The following FBXO45 variants were observed in gnomAD, a reference collection of about 807,000 sequenced individuals.
FBXO45 encodes the protein F-box protein 45.
Under a neutral mutation model 25.5 loss-of-function variants are expected in FBXO45, and 3 were observed. That is an observed-to-expected ratio of 0.12 (90% CI 0.05 to 0.30). The LOEUF (loss-of-function observed/expected upper bound fraction) is 0.30. Ranked by LOEUF, FBXO45 falls within the 10% of genes least tolerant of loss-of-function variation. The probability of loss-of-function intolerance (pLI) is 1.00; values close to 1 mark genes in which losing one functional copy is unlikely to be tolerated. For synonymous variants in FBXO45, 155 were observed against 149.8 expected, an observed-to-expected ratio of 1.03 and a Z score of -0.25; for missense variants, 219 against 365.0, an observed-to-expected ratio of 0.60 and a Z score of 3.26.
intron 2 of FBXO45, among the ~76,000 whole-genome samples, chr3:196,583,370 G>A (rs1014063876): frequency 6.6e-6 from 1 of 152,038 alleles, no homozygotes; most frequent in Non-Finnish European, 1.5e-5. Context: ...GCCGGGCGTG[G>A]TGGCGGGCAC....
chr3:196,569,157 G>C lies in FBXO45; in HGVS notation c.173G>C (p.Ser58Thr), dbSNP rs1413440541. The C allele has an allele frequency of 3.2e-6, 5 of 1,552,034 alleles. No individual in the cohort carries two copies. The highest frequency in any genetic ancestry group is 3.5e-6 in the Non-Finnish European group (4 of 1,147,610). Residue 58 changes from serine to threonine, a missense_variant, in exon 1 of 3, where the codon AGC becomes ACC. Ser to Thr is a moderately conservative substitution (Grantham distance 58, BLOSUM62 1). Transcript: ENST00000311630. This position sits in a 1 kb window ranked among gnomAD's most constrained non-coding sequence, Gnocchi z 4.1. Reference protein sequence around the residue: ...FSYLELSELRSCALVCKHWYR... With the variant: ...FSYLELSELRTCALVCKHWYR... ...TACCTGGAGCTGTCCGAGCTGCGGA[G>C]CTGCGCCCTGGTGTGCAAGCACTGG...
chr3:196,570,608 A>AT (rs1206209384), intron 1 of FBXO45, among the ~76,000 whole-genome samples: 3 of 152,156 alleles, frequency 2.0e-5, no homozygotes, highest in African/African-American at 7.2e-5. Context: ...CATGTGAAGC[A>AT]TGTAAAATTT....
chr3:196,581,056 G>A (rs1170355450), intron 2 of FBXO45, among the ~76,000 whole-genome samples: 1 of 152,122 alleles, frequency 6.6e-6, no homozygotes, highest in African/African-American at 2.4e-5. Flanking sequence ...AAAGTGCTGG[G>A]ATTATAGGCA....
At chr3:196,582,567 A>G (rs1736031408) in intron 2 of FBXO45, among the ~76,000 whole-genome samples, 1 of 152,164 alleles carries the variant, frequency 6.6e-6, no homozygotes, top group Non-Finnish European at 1.5e-5. Flanking sequence ...TCTGTTTCCA[A>G]TTTTGTAGAT....
chr3:196,570,556 C>T (rs12636666), intron 1 of FBXO45, among the ~76,000 whole-genome samples: 28,675 of 151,864 alleles, frequency 0.19, 3,641 homozygotes, highest in East Asian at 0.6. Flanking sequence ...TTAATGCTAG[C>T]TTGCCAACAG....
intron 1 of FBXO45, among the ~76,000 whole-genome samples, chr3:196,575,851 T>A (rs895291873): frequency 6.6e-6 from 1 of 152,064 alleles, no homozygotes; most frequent in African/African-American, 2.4e-5. Flanking sequence ...TAATTTTTTG[T>A]ATTTTTACTA....
chr3:196,576,190 A>T (rs1053390732), intron 1 of FBXO45, among the ~76,000 whole-genome samples: 1 of 152,166 alleles, frequency 6.6e-6, no homozygotes, highest in African/African-American at 2.4e-5. Flanking sequence ...AGGGGACTGG[A>T]TCCTTGATCT....
In FBXO45 at chr3:196,568,898, C is replaced by T. The variant is rs1735706308; in HGVS notation, c.-87C>T. On this transcript the variant is annotated 5_prime_UTR_variant, in exon 1 of 3. Coordinates refer to ENST00000311630, the MANE Select transcript of FBXO45 (RefSeq NM_001105573.2). ...GACAGGGGCGGTGAGCGAGCCGCTC[C>T]GGTCTCCGGGCGAGGCTTGGCCTTC... is the stretch of plus-strand genomic sequence containing the variant. The T allele has an allele frequency of 1.1e-6, 1 of 941,882 alleles. No homozygotes were observed. The allele number at this position is 941,882 out of a possible 1,614,324, so 58.3% of individuals were successfully genotyped here. A position where few individuals can be genotyped will look rare whatever the true frequency, so the allele number is the denominator to read the frequency against.
At chr3:196,581,930 T>C (rs909890169) in intron 2 of FBXO45, among the ~76,000 whole-genome samples, 17 of 152,178 alleles carry the variant, frequency 1.1e-4, no homozygotes, top group Admixed American at 1.0e-3. Context: ...GTCTGCTCAG[T>C]TTTTTCAGCT....
In FBXO45 at chr3:196,580,604, T is replaced by G. The variant is rs540401362; in HGVS notation, c.675+2795T>G. Reference sequence around the variant, plus strand: ...CCTCCCAGTTGCTGGGATTACAGGTTGTGAGCCACTGCGCCCAGCTTCGGT... The same window carrying G: ...CCTCCCAGTTGCTGGGATTACAGGTGGTGAGCCACTGCGCCCAGCTTCGGT... On this transcript the variant is annotated intron_variant, in intron 2 of 2. Transcript: ENST00000311630. Among the ~76,000 whole-genome samples, 4 of 152,300 alleles carry G rather than the reference T, an allele frequency of 2.6e-5. No individual in the cohort carries two copies. In the South Asian group the frequency reaches 8.3e-4, roughly 32 times the overall value.
rs1435508361 is a variant in FBXO45, at chr3:196,585,272, G to A, written c.*954G>A. On this transcript the variant is annotated 3_prime_UTR_variant, in exon 3 of 3. Transcript: ENST00000311630. ...TTCTAAGAAAGTGTCTCATAACACA[G>A]AACATTGCCATTTGCTCTTGTAGGC... 1 of 152,194 alleles carries A rather than the reference G, an allele frequency of 6.6e-6. No homozygotes were observed. The highest frequency in any genetic ancestry group is 2.4e-5 in the African/African-American group (1 of 41,460). 9.4% of individuals were successfully genotyped at this position (152,194 alleles called of 1,614,324 possible). A position where few individuals can be genotyped will look rare whatever the true frequency, so the allele number is the denominator to read the frequency against.
At chr3:196,578,059 T>TTTTTTTTTTTTTTTC (rs1318938537) in intron 2 of FBXO45, among the ~76,000 whole-genome samples, 1 of 148,834 alleles carries the variant, frequency 6.7e-6, no homozygotes, top group Non-Finnish European at 1.5e-5. Flanking sequence ...TTTTTTTTTT[T>TTTTTTTTTTTTTTTC]AGACAGAATC....
chr3:196,569,786 C>G lies in FBXO45; in HGVS notation c.318+484C>G, dbSNP rs756309700. 6.6e-6 allele frequency among the ~76,000 whole-genome samples: 1 copy of G among 152,124 alleles called. No homozygotes were observed. Among genetic ancestry groups the G allele is most frequent in the South Asian group, 2.1e-4 (1 of 4,824 alleles). On this transcript the variant is annotated intron_variant, in intron 1 of 2. Coordinates refer to ENST00000311630, the MANE Select transcript of FBXO45 (RefSeq NM_001105573.2). This position sits in a 1 kb window ranked among gnomAD's most constrained non-coding sequence, Gnocchi z 4.1. ...AACCATTTGTTTTCATTATTTTCCC[C>G]CAAGTTCTCTTTAGTTCCCTCCACT...
chr3:196,582,151 C>G (rs1177708447), intron 2 of FBXO45, among the ~76,000 whole-genome samples: 2 of 152,132 alleles, frequency 1.3e-5, no homozygotes, highest in African/African-American at 4.8e-5. Flanking sequence ...CTTTCTCCAC[C>G]CTGGGCTTTG....
chr3:196,571,105 G>A (rs1376865141), intron 1 of FBXO45, among the ~76,000 whole-genome samples: 1 of 152,210 alleles, frequency 6.6e-6, no homozygotes, highest in Non-Finnish European at 1.5e-5. Flanking sequence ...ATTTATATAG[G>A]TGAGTACAGA....
At chr3:196,582,416 A>C (rs767646157) in intron 2 of FBXO45, among the ~76,000 whole-genome samples, 18 of 152,120 alleles carry the variant, frequency 1.2e-4, no homozygotes, top group Non-Finnish European at 1.8e-4. Context: ...GGTGTGGGTT[A>C]ATCTGTGAGG....
chr3:196,584,791 G>A lies in FBXO45; in HGVS notation c.*473G>A, dbSNP rs959606291. On this transcript the variant is annotated 3_prime_UTR_variant, in exon 3 of 3. Coordinates refer to ENST00000311630, the MANE Select transcript of FBXO45 (RefSeq NM_001105573.2). The surrounding 1 kb of genome is among the most constrained non-coding windows in gnomAD (Gnocchi z 4.3). ...TTTAATATTTTTAATATATTGAGAA[G>A]CATGGTCTGCCTGGACTGCACTTCT... is the stretch of plus-strand genomic sequence containing the variant. The A allele has an allele frequency of 1.3e-5, 2 of 152,000 alleles. No homozygotes were observed. 9.4% of individuals were successfully genotyped at this position (152,000 alleles called of 1,614,324 possible). A position where few individuals can be genotyped will look rare whatever the true frequency, so the allele number is the denominator to read the frequency against.
rs1472134916 is a variant in FBXO45, at chr3:196,569,067, C to T, written c.83C>T (p.Ser28Leu). 2.3e-6 allele frequency: 3 copies of T among 1,321,698 alleles called. No homozygotes were observed. Among genetic ancestry groups the T allele is most frequent in the South Asian group, 1.8e-5 (1 of 55,888 alleles). 81.9% of individuals were successfully genotyped at this position (1,321,698 alleles called of 1,614,324 possible). ...GGCGGCGCGGGCGCGGGCGCGGGCT[C>T]GGGCTCTGGGGCCGCGGGGGCCGGG... Reference protein sequence around the residue: ...SGGGAGAGAGSGSGAAGAGGR... With the variant: ...SGGGAGAGAGLGSGAAGAGGR... The change falls in exon 1 of 3, where the codon TCG becomes TTG. Residue 28 changes from serine (S) to leucine (L), a missense_variant. By Grantham distance (145) the Ser-to-Leu change is moderately radical. Coordinates refer to ENST00000311630, the MANE Select transcript of FBXO45 (RefSeq NM_001105573.2). The surrounding 1 kb of genome is among the most constrained non-coding windows in gnomAD (Gnocchi z 4.1).
At chr3:196,574,639 A>G (rs748057334) in intron 1 of FBXO45, among the ~76,000 whole-genome samples, 26 of 152,056 alleles carry the variant, frequency 1.7e-4, no homozygotes, top group Non-Finnish European at 3.5e-4. Context: ...ATCAATTTAG[A>G]TTAGATTAGA....
Sources: allele counts gnomAD v4.1 joint callset (sites outside exome capture counted in the v4.1 genomes callset), GRCh38; gene constraint gnomAD v4.1.1; non-coding constraint Gnocchi (gnomAD v3.1); transcripts MANE v1.5; gene names NCBI Gene and HGNC (gene_info 2026-07-23, HGNC 2026-07-21).